The following OR51B5 variants were observed in gnomAD, a reference collection of about 807,000 sequenced individuals.
OR51B5 encodes the protein olfactory receptor family 51 subfamily B member 5, also known as olfactory receptor 51B5.
For synonymous variants in OR51B5, 186 were observed against 144.8 expected (o/e 1.28, Z -2.04); for missense variants, 456 against 374.6 (o/e 1.22, Z -1.79).
At chr11:5,456,668 T>C (rs879921466) in intron 1 of OR51B5, 1 of 152,172 alleles carries the variant, frequency 6.6e-6, no homozygotes, top group Non-Finnish European at 1.5e-5. Context: ...CATGAGTAAA[T>C]TGCATGTCAC....
intron 1 of OR51B5, among the ~76,000 whole-genome samples, chr11:5,358,806 G>A (rs1288699908): frequency 6.6e-6 from 1 of 152,052 alleles, no homozygotes; most frequent in Admixed American, 6.6e-5. Flanking sequence ...TGATCAAGTG[G>A]GCTTCATCCC....
intron 1 of OR51B5, among the ~76,000 whole-genome samples, chr11:5,385,693 T>TATAA (rs374983877): frequency 0.18 from 27,171 of 150,886 alleles, 2,618 homozygotes; most frequent in African/African-American, 0.25. Flanking sequence ...ACCTATAATA[T>TATAA]ATATGTTGTA....
At chr11:5,411,728 A>C (rs954126336) in intron 1 of OR51B5, among the ~76,000 whole-genome samples, 5 of 152,208 alleles carry the variant, frequency 3.3e-5, no homozygotes, top group African/African-American at 1.2e-4. Context: ...AGTCCTGCAT[A>C]ATCAAGTGAG....
Position 5,441,332 on chromosome 11 carries a change from C to T in OR51B5, n.84+64237G>A, listed in dbSNP as rs574717675. 7 of 1,613,944 alleles carry T rather than the reference C, an allele frequency of 4.3e-6. No homozygotes were observed. The African/African-American group carries it at 6.7e-5, about 15-fold the overall frequency. On this transcript the variant is annotated intron_variant and non_coding_transcript_variant, in intron 1 of 4. Transcript: ENST00000415970. ...GAGCGAGCATAGAGAGGAAGTAGTA[C>T]ATGGGCTGATGCAGAGCAGGCTCCC...
intron 1 of OR51B5, among the ~76,000 whole-genome samples, chr11:5,407,840 A>G (rs1850082049): frequency 6.6e-6 from 1 of 152,006 alleles, no homozygotes; most frequent in Non-Finnish European, 1.5e-5. Flanking sequence ...ATTACCATAT[A>G]TTTCCTCTCT....
At chr11:5,467,754 T>A (rs763948025) in intron 1 of OR51B5, among the ~76,000 whole-genome samples, 39 of 152,214 alleles carry the variant, frequency 2.6e-4, no homozygotes, top group Admixed American at 1.3e-3. Context: ...GAGCCCATAT[T>A]TCAGCCAACT....
At chr11:5,361,229 T>A (rs1382913460) in intron 1 of OR51B5, among the ~76,000 whole-genome samples, 1 of 152,154 alleles carries the variant, frequency 6.6e-6, no homozygotes, top group Non-Finnish European at 1.5e-5. Flanking sequence ...TTAAAATAAA[T>A]CTTATTTCTG....
chr11:5,477,605 T>A (rs1464379983), intron 1 of OR51B5, among the ~76,000 whole-genome samples: 2 of 152,030 alleles, frequency 1.3e-5, no homozygotes, highest in Non-Finnish European at 2.9e-5. Flanking sequence ...AGGTACCGGG[T>A]TCATATCACT....
At chr11:5,431,256 G>A in intron 1 of OR51B5, 1 of 327,958 alleles carries the variant, frequency 3.0e-6, no homozygotes, top group Admixed American at 3.9e-5. Flanking sequence ...TGGCTAGTAG[G>A]ACCCCTGACT....
chr11:5,447,858 C>G (rs374392671), intron 1 of OR51B5, among the ~76,000 whole-genome samples: 1 of 152,128 alleles, frequency 6.6e-6, no homozygotes, highest in South Asian at 2.1e-4. Flanking sequence ...TTACCATGCC[C>G]TCTTAAAGAC....
At chr11:5,416,927 C>T (rs1322819091) in intron 1 of OR51B5, among the ~76,000 whole-genome samples, 1 of 150,914 alleles carries the variant, frequency 6.6e-6, no homozygotes, top group Admixed American at 6.6e-5. Context: ...GAAAAAACTA[C>T]TTTAAAGTTC....
intron 1 of OR51B5, among the ~76,000 whole-genome samples, chr11:5,405,053 C>G (rs1168489677): frequency 6.6e-6 from 1 of 152,172 alleles, no homozygotes; most frequent in East Asian, 1.9e-4. Flanking sequence ...AGGCAAGCAT[C>G]CTCTTTGTAG....
intron 1 of OR51B5, chr11:5,352,332 C>A (rs5024042): frequency 0.26 from 412,783 of 1,612,696 alleles, 54,612 homozygotes; most frequent in African/African-American, 0.31. Flanking sequence ...TCACAATGAG[C>A]TACATCCACT....
At chr11:5,357,926 A>C (rs921110334) in intron 1 of OR51B5, among the ~76,000 whole-genome samples, 10 of 152,078 alleles carry the variant, frequency 6.6e-5, no homozygotes, top group Non-Finnish European at 1.2e-4. Flanking sequence ...AGAAATAAAA[A>C]TGTTCTTTGG....
intron 1 of OR51B5, among the ~76,000 whole-genome samples, chr11:5,376,989 C>A (rs1194684997): frequency 3.3e-5 from 5 of 152,100 alleles, no homozygotes; most frequent in Admixed American, 2.0e-4. Flanking sequence ...ATACCAAAGC[C>A]AGAAAGAGAC....
intron 1 of OR51B5, among the ~76,000 whole-genome samples, chr11:5,480,016 T>C (rs1162331185): frequency 6.6e-5 from 10 of 150,920 alleles, no homozygotes; most frequent in Admixed American, 2.0e-4. Flanking sequence ...GCAGACCTAA[T>C]AGACATCTAC....
In OR51B5 at chr11:5,364,360, A is replaced by C. The variant is rs762729248; in HGVS notation, n.85-17450T>G. 5.7e-4 allele frequency among the ~76,000 whole-genome samples: 87 copies of C among 152,278 alleles called. 2 individuals are homozygous for C. The highest frequency in any genetic ancestry group is 3.4e-3 in the Middle Eastern group (1 of 294). On this transcript the variant is annotated intron_variant and non_coding_transcript_variant, in intron 1 of 4. Coordinates refer to the OR51B5 transcript ENST00000415970. ...ATGGAGGCAAGCCAAATGCAGAAAC[A>C]GGAGGTCATGGTAAGGCTATGATGC...
chr11:5,356,959 A>G (rs1186390222), intron 1 of OR51B5, among the ~76,000 whole-genome samples: 9 of 152,016 alleles, frequency 5.9e-5, no homozygotes, highest in Admixed American at 5.9e-4. Flanking sequence ...CCTGACCTAA[A>G]AGAGCTCCTG....
chr11:5,478,008 C>A (rs1382673831), intron 1 of OR51B5, among the ~76,000 whole-genome samples: 1 of 151,920 alleles, frequency 6.6e-6, no homozygotes, highest in Non-Finnish European at 1.5e-5. Context: ...TGGAGCCCAC[C>A]ACAGCTCAAG....
Sources: allele counts gnomAD v4.1 joint callset (sites outside exome capture counted in the v4.1 genomes callset), GRCh38; gene constraint gnomAD v4.1.1; transcripts MANE v1.5; gene names NCBI Gene and HGNC (gene_info 2026-07-23, HGNC 2026-07-21).